DLGAP1: variants seen among roughly 807,000 people sequenced by gnomAD.
DLGAP1 encodes disks large-associated protein 1.
DLGAP1 carries 11 observed loss-of-function variants against 90.8 expected under a neutral mutation model. That is an observed-to-expected ratio of 0.12 (90% confidence interval 0.08 to 0.20). The LOEUF (loss-of-function observed/expected upper bound fraction) is 0.20, where lower values mean the gene tolerates loss of function less well. Among genes scored for constraint, DLGAP1 ranks in the 10% least tolerant of loss-of-function variants. The pLI is 1.00. For synonymous variants in DLGAP1, 558 were observed against 540.7 expected, an observed-to-expected ratio of 1.03 and a Z score of -0.44; for missense variants, 1,050 against 1,333.8, an observed-to-expected ratio of 0.79 and a Z score of 3.31.
intron 1 of DLGAP1, among the ~76,000 whole-genome samples, chr18:4,171,434 A>G (rs943639568): frequency 1.6e-4 from 24 of 151,924 alleles, no homozygotes; most frequent in Non-Finnish European, 2.6e-4. Flanking sequence ...GCGAGGTGGC[A>G]GGCGCCTGTA....
At chr18:4,335,149 G>A (rs1408519413) in intron 1 of DLGAP1, among the ~76,000 whole-genome samples, 1 of 151,990 alleles carries the variant, frequency 6.6e-6, no homozygotes, top group Non-Finnish European at 1.5e-5. Flanking sequence ...ACAGTTGACT[G>A]AGCAATAAAC....
chr18:4,004,648 A>G (rs1461159946), intron 3 of DLGAP1, among the ~76,000 whole-genome samples: 1 of 152,218 alleles, frequency 6.6e-6, no homozygotes, highest in East Asian at 1.9e-4. Flanking sequence ...TTTCAACTGC[A>G]CAGTCTATAA....
At chr18:4,299,711 A>G (rs572209847) in intron 1 of DLGAP1, among the ~76,000 whole-genome samples, 8 of 152,324 alleles carry the variant, frequency 5.3e-5, no homozygotes, top group Admixed American at 5.2e-4. Context: ...AAAAAAAACA[A>G]ACAAAATACC....
intron 1 of DLGAP1, among the ~76,000 whole-genome samples, chr18:4,386,701 A>T (rs2144374438): frequency 6.6e-6 from 1 of 152,308 alleles, no homozygotes; most frequent in African/African-American, 2.4e-5. Context: ...TTAAAAGGAA[A>T]TAGGGATATG....
intron 1 of DLGAP1, among the ~76,000 whole-genome samples, chr18:4,351,329 G>T (rs1022377986): frequency 2.0e-5 from 3 of 152,154 alleles, no homozygotes; most frequent in Admixed American, 1.3e-4. Flanking sequence ...AAAATTAAGC[G>T]CAACATATTT....
intron 4 of DLGAP1, among the ~76,000 whole-genome samples, chr18:3,855,734 C>A (rs972040413): frequency 1.2e-4 from 18 of 152,156 alleles, no homozygotes; most frequent in Non-Finnish European, 2.9e-5. Context: ...CCACCTCAGC[C>A]TGCCAAGTAG....
chr18:3,883,774 A>C (rs933588667), intron 3 of DLGAP1, among the ~76,000 whole-genome samples: 3 of 152,242 alleles, frequency 2.0e-5, no homozygotes, highest in Non-Finnish European at 4.4e-5. Flanking sequence ...CAGGGTGACC[A>C]TTCCAAAGAC....
At chr18:3,573,595 C>T (rs2054935436) in intron 8 of DLGAP1, among the ~76,000 whole-genome samples, 1 of 151,650 alleles carries the variant, frequency 6.6e-6, no homozygotes, top group African/African-American at 2.4e-5. Flanking sequence ...AAAACCTTTC[C>T]TGTTAAAATG....
At chr18:4,373,202 A>G (rs567553399) in intron 1 of DLGAP1, among the ~76,000 whole-genome samples, 1 of 152,166 alleles carries the variant, frequency 6.6e-6, no homozygotes, top group Admixed American at 6.5e-5. Context: ...ACAATGGATT[A>G]CAGGGGAGGA....
At chr18:4,326,366 T>C (rs549946154) in intron 1 of DLGAP1, among the ~76,000 whole-genome samples, 1 of 152,184 alleles carries the variant, frequency 6.6e-6, no homozygotes, top group Admixed American at 6.5e-5. Context: ...GGCAAGGTTG[T>C]CGAGAAAAAC....
intron 1 of DLGAP1, among the ~76,000 whole-genome samples, chr18:4,307,608 C>A (rs1178647055): frequency 6.6e-6 from 1 of 152,092 alleles, no homozygotes; most frequent in Non-Finnish European, 1.5e-5. Context: ...AGTGCACCAG[C>A]CACAGAAATA....
chr18:3,989,357 G>A (rs2073913690), intron 3 of DLGAP1, among the ~76,000 whole-genome samples: 1 of 152,174 alleles, frequency 6.6e-6, no homozygotes, highest in African/African-American at 2.4e-5. Context: ...TAGCCTTTAC[G>A]GGCAGGAACA....
At chr18:4,242,546 T>C (rs1261823567) in intron 1 of DLGAP1, among the ~76,000 whole-genome samples, 1 of 152,150 alleles carries the variant, frequency 6.6e-6, no homozygotes, top group Non-Finnish European at 1.5e-5. Flanking sequence ...CTTTGGGAAG[T>C]GGCAGAACAA....
chr18:3,912,617 C>T (rs924839132), intron 3 of DLGAP1, among the ~76,000 whole-genome samples: 4 of 152,100 alleles, frequency 2.6e-5, no homozygotes, highest in African/African-American at 9.7e-5. Context: ...AAATAAATAT[C>T]TGGCAGGTCA....
chr18:3,973,007 A>G (rs1257714123), intron 3 of DLGAP1, among the ~76,000 whole-genome samples: 1 of 152,242 alleles, frequency 6.6e-6, no homozygotes, highest in East Asian at 1.9e-4. Flanking sequence ...TCAAGTAAGC[A>G]AAGCCTTTTT....
chr18:3,502,770 C>A (rs1265130167), intron 11 of DLGAP1, 125 bp from the exon 12 acceptor site: 1 of 1,080,740 alleles, frequency 9.3e-7, no homozygotes, highest in Non-Finnish European at 1.3e-6. Flanking sequence ...TTTTCCGACA[C>A]GAGGTAAAAG....
chr18:4,009,791 C>A (rs894640417), intron 2 of DLGAP1, among the ~76,000 whole-genome samples: 3 of 152,178 alleles, frequency 2.0e-5, no homozygotes, highest in African/African-American at 7.2e-5. Context: ...CCACCACCCT[C>A]CCAGGAATGG....
chr18:4,112,431 TGTTA>T (rs946586019), intron 2 of DLGAP1, among the ~76,000 whole-genome samples: 1 of 152,150 alleles, frequency 6.6e-6, no homozygotes. Flanking sequence ...TGTTAGATCT[TGTTA>T]GTTTATACTG....
intron 3 of DLGAP1, among the ~76,000 whole-genome samples, chr18:3,992,313 T>C (rs2073985727): frequency 6.6e-6 from 1 of 152,190 alleles, no homozygotes; most frequent in Non-Finnish European, 1.5e-5. Context: ...AAAATGATTT[T>C]TAAACACTGA....
Sources: allele counts gnomAD v4.1 joint callset (sites outside exome capture counted in the v4.1 genomes callset), GRCh38; gene constraint gnomAD v4.1.1; transcripts MANE v1.5; gene names NCBI Gene and HGNC (gene_info 2026-07-23, HGNC 2026-07-21).